The following NXPE2 variants were observed in gnomAD, a reference collection of about 807,000 sequenced individuals.
The protein encoded by NXPE2 is NXPE family member 2.
In NXPE2, 34 loss-of-function variants were observed where a neutral mutation model predicts 34.4. That is an observed-to-expected ratio of 0.99 (90% CI 0.75 to 1.31). The LOEUF (loss-of-function observed/expected upper bound fraction) is 1.31. Among genes scored for constraint, NXPE2 ranks in the 40% most tolerant of loss-of-function variants. The pLI is 0.00. For missense variants in NXPE2, 649 were observed against 672.5 expected (o/e 0.97, Z 0.39); for synonymous variants, 235 against 231.3 (o/e 1.02, Z -0.15).
chr11:114,599,445 T>G, the NXPE2 span, among the ~76,000 whole-genome samples: 1 of 152,212 alleles, frequency 6.6e-6, no homozygotes, highest in Non-Finnish European at 1.5e-5. Flanking sequence ...AAAGTTGCTT[T>G]GACATTTTCA....
At chr11:114,580,017 TG>T in the NXPE2 span, 1 of 865,792 alleles carries the variant, frequency 1.2e-6, no homozygotes, top group Non-Finnish European at 1.9e-6. Flanking sequence ...AATTTTGGTG[TG>T]TTGTGATTGA....
At chr11:114,793,719 G>T in the NXPE2 span, among the ~76,000 whole-genome samples, 1 of 152,188 alleles carries the variant, frequency 6.6e-6, no homozygotes, top group African/African-American at 2.4e-5. Context: ...AGATGGTGAT[G>T]AGCATGGAGA....
chr11:114,771,833 A>G, the NXPE2 span, among the ~76,000 whole-genome samples: 3 of 152,372 alleles, frequency 2.0e-5, no homozygotes, highest in East Asian at 5.8e-4. Context: ...CACACCATTC[A>G]GTCCCCAAAG....
the NXPE2 span, among the ~76,000 whole-genome samples, chr11:114,538,385 T>C: frequency 6.6e-6 from 1 of 152,130 alleles, no homozygotes; most frequent in Non-Finnish European, 1.5e-5. Context: ...ACTTCATGTC[T>C]AAAACACCAA....
chr11:114,797,046 G>A, the NXPE2 span, among the ~76,000 whole-genome samples: 1 of 152,220 alleles, frequency 6.6e-6, no homozygotes, highest in African/African-American at 2.4e-5. Context: ...GCCACAATAA[G>A]AAAGTTGGCC....
chr11:114,678,531 A>C lies in NXPE2; in HGVS notation c.-45A>C, dbSNP rs1373300489. On this transcript the variant is annotated 5_prime_UTR_variant, in exon 1 of 6. Transcript: ENST00000389586. ...GATAAATGCAAAGACTGCTTTAATCAAGGAGAGTCTCTGGACACTATAATT... is the reference window on the plus strand; with the variant it reads ...GATAAATGCAAAGACTGCTTTAATCCAGGAGAGTCTCTGGACACTATAATT... The C allele has an allele frequency of 6.8e-7, 1 of 1,471,924 alleles. No homozygotes were observed. Among genetic ancestry groups the C allele is most frequent in the African/African-American group, 1.4e-5 (1 of 71,250 alleles). The allele number at this position is 1,471,924 out of a possible 1,614,324, so 91.2% of individuals were successfully genotyped here. A position where few individuals can be genotyped will look rare whatever the true frequency, so the allele number is the denominator to read the frequency against.
At chr11:114,787,819 C>T in the NXPE2 span, among the ~76,000 whole-genome samples, 2 of 152,162 alleles carry the variant, frequency 1.3e-5, no homozygotes, top group South Asian at 2.1e-4. Context: ...CTCAACTCTG[C>T]CCATCCCTCT....
At chr11:114,638,501 C>G in the NXPE2 span, among the ~76,000 whole-genome samples, 3 of 152,042 alleles carry the variant, frequency 2.0e-5, no homozygotes, top group Admixed American at 6.6e-5. Flanking sequence ...TGTTCCATTG[C>G]TGGTGAGGAA....
At chr11:114,599,579 G>A in the NXPE2 span, among the ~76,000 whole-genome samples, 6 of 152,282 alleles carry the variant, frequency 3.9e-5, no homozygotes, top group East Asian at 9.6e-4. Context: ...TTGGCTTATG[G>A]TTCCACAGGC....
chr11:114,594,838 A>G, the NXPE2 span: 1 of 835,478 alleles, frequency 1.2e-6, no homozygotes, highest in Non-Finnish European at 1.9e-6. Flanking sequence ...AAACATGGGA[A>G]ACATTTGAAA....
the NXPE2 span, among the ~76,000 whole-genome samples, chr11:114,602,044 A>G: frequency 9.9e-5 from 9 of 91,032 alleles, no homozygotes; most frequent in East Asian, 1.7e-3. Flanking sequence ...TATATAATAT[A>G]TATTATATTA....
the NXPE2 span, among the ~76,000 whole-genome samples, chr11:114,617,341 G>A: frequency 4.0e-5 from 6 of 151,618 alleles, no homozygotes; most frequent in Non-Finnish European, 8.8e-5. Context: ...CTCTTACCTG[G>A]TGGATAATAA....
chr11:114,506,831 C>A, the NXPE2 span, among the ~76,000 whole-genome samples: 1 of 151,780 alleles, frequency 6.6e-6, no homozygotes, highest in South Asian at 2.1e-4. Flanking sequence ...AATTAGAGAA[C>A]CAGAAGCAAA....
chr11:114,534,931 C>G, the NXPE2 span, among the ~76,000 whole-genome samples: 1 of 152,098 alleles, frequency 6.6e-6, no homozygotes, highest in African/African-American at 2.4e-5. Flanking sequence ...ATACAGAGAA[C>G]GCCACTAAGA....
chr11:114,683,042 A>T (rs999456735), intron 2 of NXPE2, among the ~76,000 whole-genome samples: 3 of 152,114 alleles, frequency 2.0e-5, no homozygotes, highest in African/African-American at 7.2e-5. Flanking sequence ...CATTGTTCTA[A>T]CCAATTCTAT....
chr11:114,812,262 C>G, the NXPE2 span, among the ~76,000 whole-genome samples: 1 of 152,146 alleles, frequency 6.6e-6, no homozygotes, highest in Non-Finnish European at 1.5e-5. Flanking sequence ...CAGGGCCTGA[C>G]AGTAGCTTAG....
the NXPE2 span, among the ~76,000 whole-genome samples, chr11:114,780,270 G>A: frequency 2.0e-5 from 3 of 152,238 alleles, no homozygotes; most frequent in African/African-American, 4.8e-5. Flanking sequence ...TCCAGCTTCA[G>A]CAGCTGCTGG....
At chr11:114,514,904 T>C in the NXPE2 span, among the ~76,000 whole-genome samples, 1,522 of 152,212 alleles carry the variant, frequency 1.0e-2, 31 homozygotes, top group South Asian at 0.032. Context: ...TTTAATAAAC[T>C]ATATATTTAT....
intron 2 of NXPE2, among the ~76,000 whole-genome samples, chr11:114,691,276 T>G (rs1951144129): frequency 6.6e-6 from 1 of 152,108 alleles, no homozygotes; most frequent in Non-Finnish European, 1.5e-5. Flanking sequence ...TTTTTTTTCT[T>G]GGGGGTATGG....
Sources: gnomAD v4.1 joint callset for allele counts (sites outside exome capture counted in the v4.1 genomes callset) on GRCh38, gnomAD v4.1.1 for gene constraint, MANE v1.5 for transcripts, NCBI Gene and HGNC (gene_info 2026-07-23, HGNC 2026-07-21) for gene names.